The following ADK variants were observed in gnomAD, a reference collection of about 807,000 sequenced individuals.
The protein encoded by ADK is adenosine kinase, also known as N6,N6-dimethyladenosine kinase.
A neutral mutation model predicts 44.7 loss-of-function variants in ADK; 24 were observed. The ratio of observed to expected loss-of-function variants is 0.54; its 90% CI spans 0.39 to 0.76. ADK has a LOEUF of 0.76. ADK is among the 30% of genes least tolerant of loss of function. ADK has a pLI of 0.00. For missense variants in ADK, 321 were observed against 425.1 expected (o/e 0.76, Z 2.15); for synonymous variants, 128 against 142.6 (o/e 0.90, Z 0.73).
At chr10:74,475,951 T>A (rs1203835163) in intron 6 of ADK, among the ~76,000 whole-genome samples, 1 of 152,140 alleles carries the variant, frequency 6.6e-6, no homozygotes, top group Non-Finnish European at 1.5e-5. Context: ...GGAAATATGC[T>A]TATGTCTGCT....
intron 8 of ADK, among the ~76,000 whole-genome samples, chr10:74,592,384 T>A (rs1851755218): frequency 1.3e-5 from 2 of 152,140 alleles, no homozygotes; most frequent in Non-Finnish European, 2.9e-5. Flanking sequence ...CTCAAAAGCA[T>A]GTTTCATTAT....
chr10:74,408,905 C>G (rs1247968414), intron 6 of ADK, among the ~76,000 whole-genome samples: 1 of 152,048 alleles, frequency 6.6e-6, no homozygotes, highest in East Asian at 1.9e-4. Context: ...AGAAGAAAAT[C>G]TATGTATAGG....
At chr10:74,693,231 G>A (rs1267490082) in intron 10 of ADK, among the ~76,000 whole-genome samples, 2 of 152,180 alleles carry the variant, frequency 1.3e-5, no homozygotes, top group African/African-American at 4.8e-5. Context: ...GTTAATCATA[G>A]GTGGAACTGG....
chr10:74,541,865 G>T (rs1002394986), intron 7 of ADK, among the ~76,000 whole-genome samples: 43 of 133,588 alleles, frequency 3.2e-4, no homozygotes, highest in African/African-American at 1.2e-3. Flanking sequence ...GTTATACTAA[G>T]ATTTTAGTGT....
intron 6 of ADK, among the ~76,000 whole-genome samples, chr10:74,493,880 A>G (rs188779592): frequency 5.9e-5 from 9 of 152,168 alleles, no homozygotes; most frequent in Non-Finnish European, 1.0e-4. Context: ...CATCATATGT[A>G]TGTGTATTTT....
chr10:74,373,680 T>C (rs1475172867), intron 4 of ADK, among the ~76,000 whole-genome samples: 1 of 152,192 alleles, frequency 6.6e-6, no homozygotes. Flanking sequence ...GGCAAGGATT[T>C]GGAGAACCCT....
chr10:74,450,149 A>G (rs1310287518), intron 6 of ADK, among the ~76,000 whole-genome samples: 1 of 152,134 alleles, frequency 6.6e-6, no homozygotes, highest in Non-Finnish European at 1.5e-5. Context: ...TCCACAAAAA[A>G]TTAAAAAAAT....
At chr10:74,656,220 G>T in intron 9 of ADK, 1 of 205,808 alleles carries the variant, frequency 4.9e-6, no homozygotes, top group Non-Finnish European at 9.8e-6. Context: ...GAGGCCAGTT[G>T]AGCCCACCCA....
At chr10:74,537,138 C>A (rs536435218) in intron 7 of ADK, among the ~76,000 whole-genome samples, 33 of 152,312 alleles carry the variant, frequency 2.2e-4, no homozygotes, top group Admixed American at 1.8e-3. Context: ...TAATAGCCAT[C>A]CTGCTGGGCA....
At chr10:74,223,661 A>G (rs1480956096) in intron 2 of ADK, among the ~76,000 whole-genome samples, 1 of 152,138 alleles carries the variant, frequency 6.6e-6, no homozygotes, top group Non-Finnish European at 1.5e-5. Flanking sequence ...TCAGCAGTAC[A>G]AATATATGGT....
At chr10:74,373,870 C>G (rs1205226952) in intron 4 of ADK, among the ~76,000 whole-genome samples, 1 of 152,070 alleles carries the variant, frequency 6.6e-6, no homozygotes, top group African/African-American at 2.4e-5. Flanking sequence ...ATAGCCTAAA[C>G]ATGGAAACAA....
intron 7 of ADK, among the ~76,000 whole-genome samples, chr10:74,579,065 C>T (rs1165089013): frequency 6.6e-6 from 1 of 152,038 alleles, no homozygotes. Flanking sequence ...AAAACCCCAT[C>T]TCTACTGAAA....
intron 6 of ADK, among the ~76,000 whole-genome samples, chr10:74,448,090 T>G (rs1845645524): frequency 1.3e-5 from 2 of 152,138 alleles, no homozygotes; most frequent in African/African-American, 4.8e-5. Flanking sequence ...GGAGAATTGC[T>G]TGAACCCTGG....
chr10:74,663,464 T>C (rs1238095133), intron 9 of ADK, among the ~76,000 whole-genome samples: 1 of 151,974 alleles, frequency 6.6e-6, no homozygotes, highest in Non-Finnish European at 1.5e-5. Context: ...AGACTAAAAC[T>C]ATGGCTTTTT....
chr10:74,180,333 G>A (rs1842494858), intron 1 of ADK, among the ~76,000 whole-genome samples: 1 of 150,360 alleles, frequency 6.7e-6, no homozygotes, highest in Non-Finnish European at 1.5e-5. Context: ...CACCTCCTGG[G>A]TTGAAGCCAT....
chr10:74,541,550 G>A (rs1849626148), intron 7 of ADK, among the ~76,000 whole-genome samples: 1 of 151,994 alleles, frequency 6.6e-6, no homozygotes, highest in South Asian at 2.1e-4. Context: ...GCCCTTCAGT[G>A]TGGAGTTTCC....
chr10:74,596,014 A>AAAAAAAAAAG (rs1482053459), intron 8 of ADK, among the ~76,000 whole-genome samples: 1 of 150,144 alleles, frequency 6.7e-6, no homozygotes, highest in East Asian at 2.0e-4. Flanking sequence ...AAAAAAAAAA[A>AAAAAAAAAAG]AACCACTGAA....
intron 1 of ADK, among the ~76,000 whole-genome samples, chr10:74,169,970 AGTTATTG>A (rs1333822793): frequency 2.0e-5 from 3 of 152,212 alleles, no homozygotes; most frequent in Non-Finnish European, 4.4e-5. Flanking sequence ...AAAGTAATAA[AGTTATTG>A]GTAAGTCCAG....
chr10:74,438,142 T>G (rs1248392201), intron 6 of ADK, among the ~76,000 whole-genome samples: 1 of 152,068 alleles, frequency 6.6e-6, no homozygotes, highest in African/African-American at 2.4e-5. Flanking sequence ...CTTGTCTCCT[T>G]TGTTGCAGTT....
Sources: gnomAD v4.1 joint callset for allele counts (sites outside exome capture counted in the v4.1 genomes callset) on GRCh38, gnomAD v4.1.1 for gene constraint, MANE v1.5 for transcripts, NCBI Gene and HGNC (gene_info 2026-07-23, HGNC 2026-07-21) for gene names.